Variants in FTO observed in about 807,000 individuals in gnomAD.
FTO encodes FTO alpha-ketoglutarate dependent dioxygenase.
FTO carries 47 observed loss-of-function variants against 63.9 expected under a neutral mutation model. The observed-to-expected ratio is 0.74, with a 90% CI of 0.58 to 0.94. FTO has a LOEUF of 0.94. FTO is among the 40% of genes least tolerant of loss of function. The pLI, the probability that FTO is intolerant of heterozygous loss-of-function variation, is 0.00. For synonymous variants in FTO, 207 were observed against 224.4 expected (o/e 0.92, Z 0.69); for missense variants, 562 against 618.1 (o/e 0.91, Z 0.96).
At chr16:53,784,074 A>G (rs994560104) in intron 1 of FTO, among the ~76,000 whole-genome samples, 2 of 152,234 alleles carry the variant, frequency 1.3e-5, no homozygotes, top group African/African-American at 4.8e-5. Flanking sequence ...AGCCAAATCT[A>G]GCTAGATGCC....
At chr16:53,814,932 G>A (rs1737987180) in intron 2 of FTO, 1 of 152,220 alleles carries the variant, frequency 6.6e-6, no homozygotes, top group Non-Finnish European at 1.5e-5. Context: ...TGTGGGGCAG[G>A]TGATGTAGGA....
chr16:54,001,185 T>G (rs1399541687), intron 8 of FTO, among the ~76,000 whole-genome samples: 7 of 152,200 alleles, frequency 4.6e-5, no homozygotes, highest in Non-Finnish European at 1.0e-4. Flanking sequence ...GAGACTGATT[T>G]CAGTGAATTG....
chr16:53,745,522 T>G (rs1399955983), intron 1 of FTO, among the ~76,000 whole-genome samples: 2 of 152,234 alleles, frequency 1.3e-5, no homozygotes, highest in Admixed American at 1.3e-4. Context: ...GTTTCATTCA[T>G]ATAAAGAAAT....
intron 8 of FTO, among the ~76,000 whole-genome samples, chr16:54,033,033 G>A (rs1304105659): frequency 3.3e-5 from 5 of 152,068 alleles, no homozygotes; most frequent in Non-Finnish European, 7.4e-5. Context: ...CAAGCCTCCT[G>A]TCCAGCCTGC....
intron 6 of FTO, among the ~76,000 whole-genome samples, chr16:53,885,497 C>T (rs560168412): frequency 1.3e-5 from 2 of 152,250 alleles, no homozygotes; most frequent in South Asian, 4.1e-4. Flanking sequence ...TGCTGTTGAA[C>T]GTTTCTGACT....
chr16:54,080,693 A>G (rs1037116628), intron 8 of FTO, among the ~76,000 whole-genome samples: 3 of 152,258 alleles, frequency 2.0e-5, no homozygotes, highest in Admixed American at 6.5e-5. Context: ...GGTTTTTGTT[A>G]CCTGATCAGT....
At chr16:54,063,115 T>C (rs958003162) in intron 8 of FTO, among the ~76,000 whole-genome samples, 3 of 152,198 alleles carry the variant, frequency 2.0e-5, no homozygotes, top group African/African-American at 7.2e-5. Context: ...TTGTGTCTTT[T>C]TGTTGGTAAG....
At chr16:54,034,964 C>G (rs1199719028) in intron 8 of FTO, among the ~76,000 whole-genome samples, 1 of 152,184 alleles carries the variant, frequency 6.6e-6, no homozygotes, top group Non-Finnish European at 1.5e-5. Flanking sequence ...TGTATGGTCA[C>G]TACTCTAAAT....
chr16:53,797,749 G>A (rs1008580441), intron 1 of FTO, among the ~76,000 whole-genome samples: 7 of 151,954 alleles, frequency 4.6e-5, no homozygotes, highest in African/African-American at 1.7e-4. Context: ...CAAAGTAGTT[G>A]ACCATTTTGT....
At chr16:53,971,880 A>G (rs79684629) in intron 8 of FTO, among the ~76,000 whole-genome samples, 3,753 of 152,312 alleles carry the variant, frequency 0.025, 67 homozygotes, top group Non-Finnish European at 0.036. Flanking sequence ...TATGAAATGC[A>G]GTCACAAATT....
At chr16:53,713,174 A>T (rs2075815946) in intron 1 of FTO, among the ~76,000 whole-genome samples, 1 of 152,166 alleles carries the variant, frequency 6.6e-6, no homozygotes, top group South Asian at 2.1e-4. Context: ...TTAATATACC[A>T]TAGGTGTGGG....
chr16:53,993,915 A>G (rs1198818646), intron 8 of FTO: 4 of 152,322 alleles, frequency 2.6e-5, no homozygotes, highest in African/African-American at 9.6e-5. Flanking sequence ...AAATACAGGG[A>G]TTCATTTTAT....
rs1464521265 is a variant in FTO, at chr16:54,118,944, A to G, written c.*7029A>G. The G allele has an allele frequency of 2.6e-5, 4 of 152,240 alleles. No homozygotes were observed. The highest frequency in any genetic ancestry group is 9.6e-5 in the African/African-American group (4 of 41,456). The allele number at this position is 152,240 out of a possible 1,614,324, so 9.4% of individuals were successfully genotyped here. On this transcript the variant is annotated 3_prime_UTR_variant, in exon 9 of 9. Transcript: ENST00000471389. Reference sequence around the variant, plus strand: ...TGAAACCAATTTAGTTTGGCTGGGTAATGGAAGAATTTCTACATACATTCA... The same window carrying G: ...TGAAACCAATTTAGTTTGGCTGGGTGATGGAAGAATTTCTACATACATTCA...
At chr16:53,984,322 T>C (rs368645559) in intron 8 of FTO, among the ~76,000 whole-genome samples, 9,173 of 51,588 alleles carry the variant, frequency 0.18, 521 homozygotes, top group East Asian at 0.32. Context: ...GGAATGGGTC[T>C]TTTTTTTTTT....
At chr16:54,003,126 A>C (rs2084107881) in intron 8 of FTO, among the ~76,000 whole-genome samples, 1 of 152,238 alleles carries the variant, frequency 6.6e-6, no homozygotes, top group Admixed American at 6.5e-5. Flanking sequence ...CTAAAGAGAT[A>C]ACAGTATTCT....
intron 1 of FTO, among the ~76,000 whole-genome samples, chr16:53,752,134 A>G (rs551727649): frequency 1.3e-5 from 2 of 152,360 alleles, no homozygotes; most frequent in African/African-American, 4.8e-5. Context: ...CAGTTTAAAT[A>G]CATTAAGGGA....
Position 53,927,548 on chromosome 16 carries a change from T to G in FTO, c.1240-6437T>G, listed in dbSNP as rs547149296. ...GATGTCCGCAGTCTACAGGGAACCCTTAAAGCCATTGGAAGGGCAGATCAC... is the reference window on the plus strand; with the variant it reads ...GATGTCCGCAGTCTACAGGGAACCCGTAAAGCCATTGGAAGGGCAGATCAC... On this transcript the variant is annotated intron_variant, in intron 7 of 8. Coordinates refer to ENST00000471389, the MANE Select transcript of FTO (RefSeq NM_001080432.3). 4.6e-5 allele frequency among the ~76,000 whole-genome samples: 7 copies of G among 152,216 alleles called. No homozygotes were observed. In the East Asian group the frequency reaches 1.4e-3, roughly 29 times the overall value.
chr16:54,112,060 G>T lies in FTO; in HGVS notation c.*145G>T. ...TCCCAATCCAAAACAGCTAGGAAAT[G>T]GTGCCCATGAAGTTTTAAATGTTTT... On this transcript the variant is annotated 3_prime_UTR_variant, in exon 9 of 9. Coordinates refer to ENST00000471389, the MANE Select transcript of FTO (RefSeq NM_001080432.3). The T allele has an allele frequency of 1.2e-6, 1 of 831,122 alleles. No homozygotes were observed. 51.5% of individuals were successfully genotyped at this position (831,122 alleles called of 1,614,324 possible).
intron 8 of FTO, among the ~76,000 whole-genome samples, chr16:54,002,127 G>A (rs1285670354): frequency 6.6e-6 from 1 of 152,206 alleles, no homozygotes; most frequent in Non-Finnish European, 1.5e-5. Context: ...CTAAATGCAT[G>A]TTTATCAAGT....
Sources: gnomAD v4.1 joint callset for allele counts (sites outside exome capture counted in the v4.1 genomes callset) on GRCh38, gnomAD v4.1.1 for gene constraint, MANE v1.5 for transcripts, NCBI Gene and HGNC (gene_info 2026-07-23, HGNC 2026-07-21) for gene names.